CDA: variants seen among roughly 807,000 people sequenced by gnomAD.
CDA encodes the protein cytidine aminohydrolase.
In CDA, 7 loss-of-function variants were observed where a neutral mutation model predicts 15.0. The observed-to-expected ratio is 0.47, with a 90% confidence interval of 0.26 to 0.87. The LOEUF (loss-of-function observed/expected upper bound fraction) is 0.87. Ranked by LOEUF, CDA falls within the 40% of genes least tolerant of loss-of-function variation. CDA has a pLI of 0.15. For synonymous variants in CDA, 58 were observed against 73.0 expected (o/e 0.79, Z 1.05); for missense variants, 159 against 182.7 (o/e 0.87, Z 0.75).
At chr1:20,608,925 A>G (rs190266085) in intron 2 of CDA, among the ~76,000 whole-genome samples, 3 of 152,322 alleles carry the variant, frequency 2.0e-5, no homozygotes, top group Admixed American at 6.5e-5. Context: ...TTGGGGGATT[A>G]AATGAACTAA....
chr1:20,597,273 C>T (rs1025006651), intron 1 of CDA, among the ~76,000 whole-genome samples: 1 of 152,008 alleles, frequency 6.6e-6, no homozygotes, highest in Non-Finnish European at 1.5e-5. Flanking sequence ...ATGGTGAAAC[C>T]CCATCTCTAA....
intron 2 of CDA, among the ~76,000 whole-genome samples, chr1:20,612,561 CCCAAATCCTATAAAACT>C (rs1373001541): frequency 6.6e-6 from 1 of 152,034 alleles, no homozygotes; most frequent in Non-Finnish European, 1.5e-5. Context: ...CCATTACCTA[CCCAAATCCTATAAAACT>C]GCCCCACCCT....
chr1:20,600,430 G>A (rs1211638255), intron 1 of CDA, among the ~76,000 whole-genome samples: 1 of 152,068 alleles, frequency 6.6e-6, no homozygotes, highest in Non-Finnish European at 1.5e-5. Flanking sequence ...GTGGTGAGCA[G>A]ATATGGCAGG....
At chr1:20,618,341 T>C (rs1311009807) in intron 3 of CDA, 111 bp from the exon 4 acceptor site, 1 of 713,710 alleles carries the variant, frequency 1.4e-6, no homozygotes, top group Non-Finnish European at 2.6e-6. Flanking sequence ...GATGAGAAAA[T>C]CAAGGTAAAG....
At chr1:20,598,353 G>T (rs937505199) in intron 1 of CDA, among the ~76,000 whole-genome samples, 4 of 152,208 alleles carry the variant, frequency 2.6e-5, no homozygotes, top group African/African-American at 9.7e-5. Flanking sequence ...GCGCCATCTT[G>T]GAAGCTGAGA....
At chr1:20,603,284 A>C (rs1167006575) in intron 1 of CDA, among the ~76,000 whole-genome samples, 6 of 152,212 alleles carry the variant, frequency 3.9e-5, no homozygotes, top group South Asian at 2.1e-4. Flanking sequence ...CAGTGATATA[A>C]ACATGGTGGA....
At chr1:20,615,152 G>A (rs942388853) in intron 3 of CDA, among the ~76,000 whole-genome samples, 4 of 151,864 alleles carry the variant, frequency 2.6e-5, no homozygotes, top group East Asian at 1.9e-4. Flanking sequence ...GAGCCACCGC[G>A]CCCAGCCTGG....
At chr1:20,591,089 C>T (rs1393779095) in intron 1 of CDA, among the ~76,000 whole-genome samples, 1 of 152,170 alleles carries the variant, frequency 6.6e-6, no homozygotes, top group African/African-American at 2.4e-5. Context: ...CCTGTAACCC[C>T]AGCACTTTGG....
chr1:20,607,829 C>CAT (rs2052708460), intron 2 of CDA, among the ~76,000 whole-genome samples: 2 of 152,144 alleles, frequency 1.3e-5, no homozygotes, highest in Admixed American at 6.5e-5. Context: ...AGTACCAGCT[C>CAT]CCTTGTTAAC....
chr1:20,616,502 T>C (rs1002428813), intron 3 of CDA, among the ~76,000 whole-genome samples: 1 of 151,908 alleles, frequency 6.6e-6, no homozygotes, highest in Non-Finnish European at 1.5e-5. Context: ...GTGGAATTTG[T>C]CTCACTTGAG....
intron 1 of CDA, among the ~76,000 whole-genome samples, chr1:20,597,978 T>G (rs935672510): frequency 6.6e-6 from 1 of 152,006 alleles, no homozygotes; most frequent in African/African-American, 2.4e-5. Flanking sequence ...CCTCTGCGTC[T>G]TAAGCATCTA....
chr1:20,613,936 C>A (rs567563710), intron 3 of CDA, 37 bp downstream of exon 3: 2 of 1,600,296 alleles, frequency 1.2e-6, no homozygotes, highest in Admixed American at 1.7e-5. Context: ...ATGCAAATAT[C>A]TTCCCTGTCG....
At chr1:20,607,388 C>T (rs960495191) in intron 2 of CDA, among the ~76,000 whole-genome samples, 4 of 151,958 alleles carry the variant, frequency 2.6e-5, no homozygotes, top group African/African-American at 7.3e-5. Flanking sequence ...TTAAGGCTTC[C>T]GGAGGAATAA....
intron 3 of CDA, among the ~76,000 whole-genome samples, chr1:20,615,966 C>T (rs997203282): frequency 2.3e-4 from 35 of 152,132 alleles, no homozygotes; most frequent in African/African-American, 8.0e-4. Context: ...AGCCACTGCA[C>T]TCCTGCCTGG....
chr1:20,591,234 G>A (rs944519555), intron 1 of CDA, among the ~76,000 whole-genome samples: 1 of 152,072 alleles, frequency 6.6e-6, no homozygotes, highest in East Asian at 1.9e-4. Context: ...CCAGCTACTC[G>A]GGAGGCTGAG....
intron 3 of CDA, among the ~76,000 whole-genome samples, chr1:20,616,395 A>G (rs1450200907): frequency 1.3e-5 from 2 of 152,128 alleles, no homozygotes; most frequent in African/African-American, 4.8e-5. Context: ...GGGGATGCAG[A>G]CACTTCCATC....
Position 20,617,697 on chromosome 1 carries a change from A to AT in CDA, c.325-740dup, listed in dbSNP as rs147364706. ...TAAACCTCCTTTTTTATTTTATTTT[A>AT]TTTTTTTTTTTTTTTGAGACCGAGT... On this transcript the variant is annotated intron_variant, in intron 3 of 3. Transcript: ENST00000375071. Among the ~76,000 whole-genome samples, 373 of 144,072 alleles carry AT rather than the reference A, an allele frequency of 2.6e-3. 1 individual carries two copies. The highest frequency in any genetic ancestry group is 0.012 in the East Asian group (59 of 4,842). The allele number at this position is 144,072 out of a possible 152,430, so 94.5% of individuals were successfully genotyped here.
intron 3 of CDA, among the ~76,000 whole-genome samples, chr1:20,617,702 T>A (rs692943): frequency 0.34 from 41,038 of 118,996 alleles, 5,933 homozygotes; most frequent in Middle Eastern, 0.47. Flanking sequence ...ATTTTATTTT[T>A]TTTTTTTTTT....
intron 2 of CDA, among the ~76,000 whole-genome samples, chr1:20,608,496 G>A (rs1045212153): frequency 4.0e-5 from 6 of 151,364 alleles, no homozygotes; most frequent in East Asian, 2.0e-4. Flanking sequence ...TGCAACCTCC[G>A]CCTCCCAGGT....
Sources: allele counts gnomAD v4.1 joint callset (sites outside exome capture counted in the v4.1 genomes callset), GRCh38; gene constraint gnomAD v4.1.1; transcripts MANE v1.5; gene names NCBI Gene and HGNC (gene_info 2026-07-23, HGNC 2026-07-21).